The following MSR1 variants were observed in gnomAD, a reference collection of about 807,000 sequenced individuals.
The protein encoded by MSR1 is macrophage scavenger receptor 1, also known as macrophage scavenger receptor types I and II.
Under a neutral mutation model 47.2 loss-of-function variants are expected in MSR1, and 53 were observed. The observed-to-expected ratio is 1.12, with a 90% CI of 0.90 to 1.41. The LOEUF (loss-of-function observed/expected upper bound fraction) is 1.41, where lower values mean the gene tolerates loss of function less well. MSR1 is among the 40% of genes most tolerant of loss of function. MSR1 has a pLI of 0.00. For synonymous variants in MSR1, 239 were observed against 185.6 expected (o/e 1.29, Z -2.34); for missense variants, 786 against 546.9 (o/e 1.44, Z -4.36).
At chr8:16,189,392 TTTTATATA>T (rs1802106223) in intron 1 of MSR1, among the ~76,000 whole-genome samples, 1 of 99,546 alleles carries the variant, frequency 1.0e-5, no homozygotes, top group Non-Finnish European at 1.8e-5. Context: ...TAAAATCTTA[TTTTATATA>T]TATTTTATAT....
intron 8 of MSR1, among the ~76,000 whole-genome samples, chr8:16,135,045 G>A (rs552360320): frequency 2.0e-5 from 3 of 152,260 alleles, no homozygotes; most frequent in Non-Finnish European, 4.4e-5. Flanking sequence ...TAACATAAAA[G>A]TACAAGATGA....
Position 16,120,511 on chromosome 8 carries a change from C to T in MSR1, c.1129G>A (p.Asp377Asn), listed in dbSNP as rs528497990. 3.1e-6 allele frequency: 5 copies of T among 1,613,602 alleles called. No homozygotes were observed. The highest frequency in any genetic ancestry group is 4.2e-6 in the Non-Finnish European group (5 of 1,179,898). The part of the protein sequence containing the change: ...HSGQWGTICD[D>N]RWEVRVGQVV... ...TGTCCAACGCGCACTTCCCAGCGATCGTCACAAATTGTACCCCACTGGCCG... is the reference window on the plus strand; with the variant it reads ...TGTCCAACGCGCACTTCCCAGCGATTGTCACAAATTGTACCCCACTGGCCG... The change falls in exon 9 of 10, where the codon GAT (aspartate) becomes AAT (asparagine). Residue 377 changes from aspartate to asparagine, a missense_variant. Physicochemically the swap from Asp to Asn is conservative, Grantham distance 23. Coordinates refer to ENST00000262101, the MANE Select transcript of MSR1 (RefSeq NM_138715.3).
At chr8:16,181,546 G>C (rs561562612) in intron 1 of MSR1, among the ~76,000 whole-genome samples, 3 of 152,004 alleles carry the variant, frequency 2.0e-5, no homozygotes, top group Non-Finnish European at 4.4e-5. Flanking sequence ...AACTAACACA[G>C]GAACGGAAAA....
Position 16,165,328 on chromosome 8 carries a change from C to T in MSR1, c.631-1077G>A, listed in dbSNP as rs564267309. ...TAAGTTTGCATAGTAAGAGTAGGTA[C>T]ATAGCAAATCATTATTACTTAACTT... On this transcript the variant is annotated intron_variant, in intron 4 of 9. Transcript: ENST00000262101. Among the ~76,000 whole-genome samples, 29 of 152,170 alleles carry T rather than the reference C, an allele frequency of 1.9e-4. 1 individual carries two copies. In the South Asian group the frequency reaches 6.0e-3, roughly 32 times the overall value.
Position 16,164,264 on chromosome 8 carries a change from AG to A in MSR1, c.631-14del. ...ATTTACTGATTTCCTGTAAAACATA[AG>A]TGAGCATTCACAGCCTTTGTTACAT... On this transcript the variant is annotated splice_polypyrimidine_tract_variant and intron_variant, in intron 4 of 9. Transcript: ENST00000262101. 4 of 1,607,894 alleles carry A rather than the reference AG, an allele frequency of 2.5e-6. No individual in the cohort carries two copies. The highest frequency in any genetic ancestry group is 3.4e-6 in the Non-Finnish European group (4 of 1,175,630).
At chr8:16,173,362 A>C (rs1801544218) in intron 3 of MSR1, among the ~76,000 whole-genome samples, 1 of 152,228 alleles carries the variant, frequency 6.6e-6, no homozygotes, top group African/African-American at 2.4e-5. Flanking sequence ...AAAGGTGATG[A>C]AATCTACTCA....
chr8:16,168,436 C>T (rs1373673538), intron 4 of MSR1, 22 bp downstream of exon 4: 1 of 1,613,550 alleles, frequency 6.2e-7, no homozygotes, highest in South Asian at 1.1e-5. Context: ...AGCAAGTGAC[C>T]TTGCAGTCCA....
At chr8:16,180,454 A>T (rs1801795684) in intron 1 of MSR1, among the ~76,000 whole-genome samples, 2 of 152,180 alleles carry the variant, frequency 1.3e-5, no homozygotes, top group African/African-American at 4.8e-5. Flanking sequence ...AATTGGTCTG[A>T]GGACCACATT....
At chr8:16,120,724 A>G in intron 8 of MSR1, 118 bp from the exon 9 acceptor site, 2 of 1,230,566 alleles carry the variant, frequency 1.6e-6, no homozygotes, top group East Asian at 5.1e-5. Context: ...CATTTTCCAA[A>G]TAACTTCAAC....
Position 16,140,044 on chromosome 8 carries a change from G to A in MSR1, c.1033+3514C>T, listed in dbSNP as rs1157293330. ...CAGAGACAATTATCTCTTATTAGCTGTTATGTCCAGCTCATGGAGGTACAT... is the reference window on the plus strand; with the variant it reads ...CAGAGACAATTATCTCTTATTAGCTATTATGTCCAGCTCATGGAGGTACAT... On this transcript the variant is annotated intron_variant, in intron 8 of 9. Coordinates refer to ENST00000262101, the MANE Select transcript of MSR1 (RefSeq NM_138715.3). 7 of 835,560 alleles carry A rather than the reference G, an allele frequency of 8.4e-6. No homozygotes were observed. In the South Asian group the frequency reaches 2.2e-4, roughly 26 times the overall value. The allele number at this position is 835,560 out of a possible 1,614,324, so 51.8% of individuals were successfully genotyped here.
At chr8:16,183,440 GAATA>G (rs1801895278) in intron 1 of MSR1, among the ~76,000 whole-genome samples, 1 of 149,704 alleles carries the variant, frequency 6.7e-6, no homozygotes, top group African/African-American at 2.5e-5. Context: ...TGAATATACT[GAATA>G]AATAGAATAT....
chr8:16,180,715 G>A (rs1476417471), intron 1 of MSR1, among the ~76,000 whole-genome samples: 2 of 152,178 alleles, frequency 1.3e-5, no homozygotes, highest in African/African-American at 2.4e-5. Flanking sequence ...ACTGTGGGGA[G>A]AGGCAGTGAC....
intron 1 of MSR1, among the ~76,000 whole-genome samples, chr8:16,181,726 C>A (rs1801838232): frequency 6.6e-6 from 1 of 151,750 alleles, no homozygotes; most frequent in African/African-American, 2.4e-5. Context: ...TGCACCAAAC[C>A]ACCATGGCAT....
intron 8 of MSR1, among the ~76,000 whole-genome samples, chr8:16,143,097 A>G (rs1429548949): frequency 6.6e-6 from 1 of 152,176 alleles, no homozygotes; most frequent in Non-Finnish European, 1.5e-5. Context: ...GGTTTAGAAC[A>G]TGGAATACCA....
chr8:16,162,431 C>T lies in MSR1; in HGVS notation c.817+1634G>A, dbSNP rs1366639985. 2.0e-5 allele frequency among the ~76,000 whole-genome samples: 3 copies of T among 152,024 alleles called. No homozygotes were observed. The East Asian group carries it at 5.8e-4, about 29-fold the overall frequency. On this transcript the variant is annotated intron_variant, in intron 5 of 9. Transcript: ENST00000262101. The stretch of plus-strand genomic sequence containing the variant: ...AGGAAAATAATCCCAGAAGAAATGC[C>T]CGAGGTGCTTTTAGAACGGAGAACA...
rs187488713 is a variant in MSR1 at position 16,139,384 on chromosome 8, C to T, written c.1033+4174G>A. The T allele has an allele frequency of 4.3e-6, 4 of 937,508 alleles. No individual in the cohort carries two copies. The South Asian group carries it at 1.5e-4, about 34-fold the overall frequency. The allele number at this position is 937,508 out of a possible 1,614,324, so 58.1% of individuals were successfully genotyped here. Reference sequence around the variant, plus strand: ...CACACACAATATCTTACTTGATCCTCACAACAACCCTGTGAGGTAGGTGTT... The same window carrying T: ...CACACACAATATCTTACTTGATCCTTACAACAACCCTGTGAGGTAGGTGTT... On this transcript the variant is annotated intron_variant, in intron 8 of 9. Transcript: ENST00000262101.
At chr8:16,131,817 C>T (rs1800267361) in intron 8 of MSR1, among the ~76,000 whole-genome samples, 1 of 151,952 alleles carries the variant, frequency 6.6e-6, no homozygotes, top group Admixed American at 6.6e-5. Flanking sequence ...TTTCTGGGTT[C>T]TCTATTCTGT....
At chr8:16,112,772 G>A (rs1799786761) in intron 9 of MSR1, among the ~76,000 whole-genome samples, 2 of 151,672 alleles carry the variant, frequency 1.3e-5, no homozygotes, top group South Asian at 4.2e-4. Context: ...TCGGTGGAAA[G>A]CTATACAAAA....
At chr8:16,140,969 T>G in intron 8 of MSR1, 1 of 1,613,892 alleles carries the variant, frequency 6.2e-7, no homozygotes, top group Non-Finnish European at 8.5e-7. Flanking sequence ...AATGAGATGG[T>G]AGCAGAGGAT....
Sources: allele counts gnomAD v4.1 joint callset (sites outside exome capture counted in the v4.1 genomes callset), GRCh38; gene constraint gnomAD v4.1.1; transcripts MANE v1.5; gene names NCBI Gene and HGNC (gene_info 2026-07-23, HGNC 2026-07-21).